The following KIDINS220 variants were observed in gnomAD, a reference collection of about 807,000 sequenced individuals.
KIDINS220 encodes the protein kinase D-interacting substrate of 220 kDa.
KIDINS220 carries 63 observed loss-of-function variants against 157.6 expected under a neutral mutation model. That is an observed-to-expected ratio of 0.40 (90% CI 0.33 to 0.49). The LOEUF (loss-of-function observed/expected upper bound fraction) is 0.49. KIDINS220 is among the 20% of genes least tolerant of loss of function. The pLI is 0.66. For missense variants in KIDINS220, 1,772 were observed against 2,171.2 expected (o/e 0.82, Z 3.65); for synonymous variants, 732 against 783.6 (o/e 0.93, Z 1.10).
chr2:8,736,740 T>C, intron 27 of KIDINS220, 128 bp downstream of exon 27: 2 of 1,014,674 alleles, frequency 2.0e-6, no homozygotes, highest in South Asian at 4.0e-5. Flanking sequence ...ATGTTTTCCA[T>C]TTAGAGCTTT....
chr2:8,729,029 G>A lies in KIDINS220; in HGVS notation c.*1691C>T, dbSNP rs893298804. On this transcript the variant is annotated 3_prime_UTR_variant, in exon 30 of 30. Transcript: ENST00000256707. ...AAAGAATGTACTCCAATGATATTACGCGGCAACTACTCACCTGAAAAAGAA... is the reference window on the plus strand; with the variant it reads ...AAAGAATGTACTCCAATGATATTACACGGCAACTACTCACCTGAAAAAGAA... 12 of 982,044 alleles carry A rather than the reference G, an allele frequency of 1.2e-5. 1 individual carries two copies. The South Asian group carries it at 2.8e-4, about 23-fold the overall frequency. 60.8% of individuals were successfully genotyped at this position (982,044 alleles called of 1,614,324 possible). A position where few individuals can be genotyped will look rare whatever the true frequency, so the allele number is the denominator to read the frequency against.
At chr2:8,804,124 G>A (rs941257016) in intron 7 of KIDINS220, among the ~76,000 whole-genome samples, 1 of 152,150 alleles carries the variant, frequency 6.6e-6, no homozygotes, top group Admixed American at 6.5e-5. Flanking sequence ...ATCTGCAGCT[G>A]CCTACGGACT....
At chr2:8,791,668 G>C (rs181606322) in intron 12 of KIDINS220, among the ~76,000 whole-genome samples, 115 of 152,068 alleles carry the variant, frequency 7.6e-4, no homozygotes, top group Middle Eastern at 3.4e-3. Flanking sequence ...ACACAAATAA[G>C]CATATAAAAT....
At position 8,750,266 on chromosome 2, in the gene KIDINS220, C is replaced by T; in HGVS notation, c.3260G>A (p.Gly1087Asp). ...LAYPPLPLHE[G>D]PPRAPSGYSQ... Reference sequence around the variant, plus strand: ...GTACCCTGATGGCGCCCTAGGAGGACCCTCATGTAGAGGGAGCGGGGGGTA... The same window carrying T: ...GTACCCTGATGGCGCCCTAGGAGGATCCTCATGTAGAGGGAGCGGGGGGTA... The change falls in exon 24 of 30, where the codon GGT (glycine) becomes GAT (aspartate). Residue 1087 changes from glycine to aspartate, a missense_variant. Physicochemically the swap from Gly to Asp is moderately conservative, Grantham distance 94 (BLOSUM62 -1). Coordinates refer to ENST00000256707, the MANE Select transcript of KIDINS220 (RefSeq NM_020738.4). 1 of 1,613,874 alleles carries T rather than the reference C, an allele frequency of 6.2e-7. No homozygotes were observed.
chr2:8,818,906 G>C, intron 2 of KIDINS220, 113 bp from the exon 3 acceptor site: 1 of 490,046 alleles, frequency 2.0e-6, no homozygotes, highest in Non-Finnish European at 3.7e-6. Flanking sequence ...TTGTTTAGTT[G>C]TGTTTACTAT....
chr2:8,757,629 G>A, intron 22 of KIDINS220: 1 of 1,607,472 alleles, frequency 6.2e-7, no homozygotes, highest in Non-Finnish European at 8.5e-7. Flanking sequence ...GATAACCCAA[G>A]TGAATGTGCA....
intron 22 of KIDINS220, chr2:8,757,834 T>C: frequency 6.9e-7 from 1 of 1,448,992 alleles, no homozygotes; most frequent in Non-Finnish European, 9.6e-7. Context: ...TCCTCCTAAA[T>C]CCTGGACTTG....
chr2:8,786,170 C>A, intron 16 of KIDINS220, 36 bp downstream of exon 16: 3 of 1,611,620 alleles, frequency 1.9e-6, no homozygotes, highest in Non-Finnish European at 2.5e-6. Flanking sequence ...CCACCCCCAT[C>A]CCTTACACAC....
intron 14 of KIDINS220, among the ~76,000 whole-genome samples, chr2:8,789,072 G>A (rs984042535): frequency 3.9e-5 from 6 of 151,926 alleles, no homozygotes; most frequent in African/African-American, 1.5e-4. Context: ...AATCATCTTG[G>A]GTTTATCACT....
chr2:8,804,115 T>C (rs1016864806), intron 7 of KIDINS220, among the ~76,000 whole-genome samples: 6 of 152,228 alleles, frequency 3.9e-5, no homozygotes, highest in Admixed American at 1.3e-4. Context: ...AGGTATGTCA[T>C]CTGCAGCTGC....
chr2:8,811,241 C>T (rs1225930229), intron 6 of KIDINS220, among the ~76,000 whole-genome samples: 1 of 151,210 alleles, frequency 6.6e-6, no homozygotes, highest in Non-Finnish European at 1.5e-5. Flanking sequence ...TGACTATCCC[C>T]ACAATGTGCC....
chr2:8,829,334 A>T (rs898954447), intron 1 of KIDINS220, among the ~76,000 whole-genome samples: 1 of 152,220 alleles, frequency 6.6e-6, no homozygotes, highest in African/African-American at 2.4e-5. Flanking sequence ...AGTATACCTT[A>T]CTTTTAGGGA....
rs1437702008 is a variant in KIDINS220 at position 8,747,317 on chromosome 2, T to G, written c.3529-116A>C. On this transcript the variant is annotated intron_variant, in intron 25 of 29. Coordinates refer to ENST00000256707, the MANE Select transcript of KIDINS220 (RefSeq NM_020738.4). The stretch of plus-strand genomic sequence containing the variant: ...CAACACTGAAACTCAACAGTTTATG[T>G]TTTTGCCTCCTGATTTATAAAAACA... The G allele has an allele frequency of 6.9e-6, 6 of 873,756 alleles. No homozygotes were observed. The South Asian group carries it at 7.1e-5, about 10-fold the overall frequency. The allele number at this position is 873,756 out of a possible 1,614,324, so 54.1% of individuals were successfully genotyped here.
Position 8,747,910 on chromosome 2 carries a change from G to A in KIDINS220, c.3505C>T (p.Pro1169Ser). The change falls in exon 25 of 30, where the codon CCC becomes TCC. Residue 1169 changes from proline to serine, a missense_variant. Physicochemically the swap from Pro to Ser is moderately conservative, Grantham distance 74. This residue lies in a region of KIDINS220 where 793 missense variants were observed against 885.5 expected (regional missense o/e 0.90). Coordinates refer to ENST00000256707, the MANE Select transcript of KIDINS220 (RefSeq NM_020738.4). ...ACTAGGCCATTGTTCTGATCTCTGG[G>A]CAAACTCGTTTTTACTGATGGACGT... ...ISRPSVKTSLPRDQNNGLEVI... is the reference protein window; with the variant it reads ...ISRPSVKTSLSRDQNNGLEVI... The A allele has an allele frequency of 1.2e-6, 2 of 1,603,630 alleles. No homozygotes were observed. Among genetic ancestry groups the A allele is most frequent in the Non-Finnish European group, 1.7e-6 (2 of 1,175,328 alleles).
At chr2:8,798,979 G>T (rs1163482617) in intron 9 of KIDINS220, among the ~76,000 whole-genome samples, 2 of 152,084 alleles carry the variant, frequency 1.3e-5, no homozygotes. Context: ...AGGAGATAAT[G>T]AATGACTTTT....
At position 8,816,743 on chromosome 2, in the gene KIDINS220, C is replaced by A. The variant is rs142844235; in HGVS notation, c.306+875G>T. Among the ~76,000 whole-genome samples the A allele has an allele frequency of 8.2e-3, 1,247 of 152,302 alleles. 14 individuals carry two copies. Among genetic ancestry groups the A allele is most frequent in the African/African-American group, 0.028 (1,158 of 41,548 alleles). On this transcript the variant is annotated intron_variant, in intron 4 of 29. Coordinates refer to ENST00000256707, the MANE Select transcript of KIDINS220 (RefSeq NM_020738.4). ...AGTTACTGACATCATTATCTTCTCT[C>A]CCTAAACTTTCACTGCAACGTACTT...
chr2:8,815,467 A>G (rs1020925586), intron 4 of KIDINS220, among the ~76,000 whole-genome samples: 2 of 152,138 alleles, frequency 1.3e-5, no homozygotes, highest in African/African-American at 4.8e-5. Flanking sequence ...CAGGAGTTTA[A>G]GACCAGCCTG....
rs370400615 is a variant in KIDINS220 at position 8,786,287 on chromosome 2, T to C, written c.1858A>G (p.Thr620Ala). ...GETSLAEMIA[T>A]LSDACEREFG... ...TCTCTTTCACAAGCATCCGAGAGGG[T>C]TGCAATCATTTCAGCCAGAGAAGTT... The change falls in exon 16 of 30, where the codon ACC becomes GCC. Residue 620 changes from threonine to alanine, a missense_variant. By Grantham distance (58) the Thr-to-Ala change is moderately conservative. This residue lies in a region of KIDINS220 where 725 missense variants were observed against 1,017.1 expected (regional missense o/e 0.71). Transcript: ENST00000256707. 6.0e-5 allele frequency: 97 copies of C among 1,613,876 alleles called. No individual in the cohort carries two copies. The highest frequency in any genetic ancestry group is 7.4e-5 in the Non-Finnish European group (87 of 1,179,906).
At chr2:8,744,363 C>CAAAAA (rs547083543) in intron 26 of KIDINS220, among the ~76,000 whole-genome samples, 1 of 9,342 alleles carries the variant, frequency 1.1e-4, no homozygotes, top group African/African-American at 5.3e-4. Context: ...TTCCTCATGG[C>CAAAAA]AAAAAAAAAA....
Sources: gnomAD v4.1 joint callset for allele counts (sites outside exome capture counted in the v4.1 genomes callset) on GRCh38, gnomAD v4.1.1 for gene constraint, gnomAD v4.1.1 regional missense constraint, MANE v1.5 for transcripts, NCBI Gene and HGNC (gene_info 2026-07-23, HGNC 2026-07-21) for gene names.